Variants in AKAIN1 observed in about 807,000 individuals in gnomAD.
AKAIN1 encodes A-kinase anchor inhibitor 1.
Under a neutral mutation model 3.7 loss-of-function variants are expected in AKAIN1, and 3 were observed. The ratio of observed to expected loss-of-function variants is 0.82; its 90% CI spans 0.37 to 2.12. AKAIN1 has a LOEUF of 2.12. Among genes scored for constraint, AKAIN1 ranks in the 30% most tolerant of loss-of-function variants. AKAIN1 has a pLI of 0.06. For missense variants in AKAIN1, 82 were observed against 82.7 expected, an observed-to-expected ratio of 0.99 and a Z score of 0.03; for synonymous variants, 31 against 30.8, an observed-to-expected ratio of 1.01 and a Z score of -0.02.
At chr18:5,197,277 G>A (rs2071354886), upstream of AKAIN1, 2 of 1,372,742 alleles carry the variant, frequency 1.5e-6, no homozygotes, top group African/African-American at 1.5e-5. The surrounding 1 kb of genome is among the most constrained non-coding windows in gnomAD (Gnocchi z 6.9). Flanking sequence ...GCGGCGGCGG[G>A]AGGAGGAGGG....
At chr18:5,153,929 A>G (rs890657531) in intron 1 of AKAIN1, among the ~76,000 whole-genome samples, 10 of 152,078 alleles carry the variant, frequency 6.6e-5, no homozygotes, top group African/African-American at 2.4e-4. Context: ...AAATCTCTGT[A>G]CCTTCTGCTT....
At chr18:5,193,275 T>C (rs952036007) in intron 1 of AKAIN1, among the ~76,000 whole-genome samples, 4 of 152,218 alleles carry the variant, frequency 2.6e-5, no homozygotes, top group Non-Finnish European at 4.4e-5. Context: ...CTTGTTATCA[T>C]ACCTTGCCTA....
upstream of AKAIN1, chr18:5,197,503 T>TAAAAAAAAAAAAAAAA: frequency 3.5e-6 from 1 of 285,076 alleles, no homozygotes; most frequent in Non-Finnish European, 4.3e-6. This position sits in a 1 kb window ranked among gnomAD's most constrained non-coding sequence, Gnocchi z 6.9. Context: ...GATAGATTTG[T>TAAAAAAAAAAAAAAAA]CAAAAAAAAA....
chr18:5,148,989 C>T (rs193199451), intron 1 of AKAIN1, among the ~76,000 whole-genome samples: 1 of 152,300 alleles, frequency 6.6e-6, no homozygotes, highest in East Asian at 1.9e-4. Flanking sequence ...AGGTAGAATA[C>T]AGTATATACT....
At position 5,150,765 on chromosome 18, in the gene AKAIN1, A is replaced by G. The variant is rs537092308; in HGVS notation, c.17-5010T>C. Among the ~76,000 whole-genome samples, 10 of 152,182 alleles carry G rather than the reference A, an allele frequency of 6.6e-5. No individual in the cohort carries two copies. The South Asian group carries it at 2.1e-3, about 32-fold the overall frequency. ...CTCTCCAGTGGAAGGTGTCTAAGGA[A>G]CTCAATTGCAATATGGTTAATAATT... is the stretch of plus-strand genomic sequence containing the variant. On this transcript the variant is annotated intron_variant, in intron 1 of 1. Transcript: ENST00000434239.
At chr18:5,188,353 C>G (rs905644072) in intron 1 of AKAIN1, among the ~76,000 whole-genome samples, 1 of 152,006 alleles carries the variant, frequency 6.6e-6, no homozygotes, top group Non-Finnish European at 1.5e-5. Context: ...TATGGCAGCT[C>G]CACCCATGGG....
chr18:5,186,605 T>C lies in AKAIN1; in HGVS notation c.16+10433A>G, dbSNP rs577572241. 1.1e-4 allele frequency among the ~76,000 whole-genome samples: 16 copies of C among 152,280 alleles called. No homozygotes were observed. The South Asian group carries it at 3.3e-3, about 32-fold the overall frequency. On this transcript the variant is annotated intron_variant, in intron 1 of 1. Coordinates refer to ENST00000434239, the MANE Select transcript of AKAIN1 (RefSeq NM_001145194.2). The stretch of plus-strand genomic sequence containing the variant: ...CCTCAATTTTTTCTAGAGGTATTAG[T>C]ACTCCTCTTCTAGTAATTAATATGC...
At chr18:5,173,976 GTC>G (rs1462937896) in intron 1 of AKAIN1, among the ~76,000 whole-genome samples, 4 of 152,106 alleles carry the variant, frequency 2.6e-5, no homozygotes, top group Admixed American at 2.0e-4. Flanking sequence ...GACAACAAAA[GTC>G]TAAGGAAGAT....
At position 5,197,032 on chromosome 18, in the gene AKAIN1, G is replaced by T; in HGVS notation, c.16+6C>A. 1 of 1,550,630 alleles carries T rather than the reference G, an allele frequency of 6.4e-7. No homozygotes were observed. Among genetic ancestry groups the T allele is most frequent in the Non-Finnish European group, 8.7e-7 (1 of 1,146,100 alleles). ...ACACTTGGTGAAAAAGCAAGGTGCGGTGTACCTGGAGCGAACACCATGATT... is the reference window on the plus strand; with the variant it reads ...ACACTTGGTGAAAAAGCAAGGTGCGTTGTACCTGGAGCGAACACCATGATT... On this transcript the variant is annotated splice_donor_region_variant and intron_variant, in intron 1 of 1. Transcript: ENST00000434239. The surrounding 1 kb of genome is among the most constrained non-coding windows in gnomAD (Gnocchi z 6.9).
chr18:5,191,827 A>G (rs1191538103), intron 1 of AKAIN1, among the ~76,000 whole-genome samples: 1 of 152,224 alleles, frequency 6.6e-6, no homozygotes, highest in East Asian at 1.9e-4. Context: ...TTGCATATAC[A>G]TAATGAGGTA....
intron 1 of AKAIN1, among the ~76,000 whole-genome samples, chr18:5,168,583 T>G (rs1192742165): frequency 6.6e-6 from 1 of 152,112 alleles, no homozygotes; most frequent in Non-Finnish European, 1.5e-5. Flanking sequence ...TTACTTTATC[T>G]TGAAGCCCAC....
At chr18:5,155,567 A>C (rs1482676618) in intron 1 of AKAIN1, among the ~76,000 whole-genome samples, 2 of 152,110 alleles carry the variant, frequency 1.3e-5, no homozygotes, top group Admixed American at 6.5e-5. Context: ...GTAGCCCTCT[A>C]TGAGAAACAA....
chr18:5,196,472 G>T (rs1216568101), intron 1 of AKAIN1, among the ~76,000 whole-genome samples: 1 of 152,264 alleles, frequency 6.6e-6, no homozygotes, highest in Non-Finnish European at 1.5e-5. Context: ...CGGCGCCGCA[G>T]TAGCTGCCTC....
At position 5,145,486 on chromosome 18, in the gene AKAIN1, C is replaced by A. The variant is rs1317765618; in HGVS notation, c.*76G>T. On this transcript the variant is annotated 3_prime_UTR_variant, in exon 2 of 2. Coordinates refer to ENST00000434239, the MANE Select transcript of AKAIN1 (RefSeq NM_001145194.2). The stretch of plus-strand genomic sequence containing the variant: ...GTGACACTTCGGTTTGCTTTACTGG[C>A]AACATTTTGGAGATGCGTCCTATAC... The A allele has an allele frequency of 5.5e-6, 7 of 1,266,820 alleles. No individual in the cohort carries two copies. Among genetic ancestry groups the A allele is most frequent in the Non-Finnish European group, 7.7e-6 (7 of 912,622 alleles). 78.5% of individuals were successfully genotyped at this position (1,266,820 alleles called of 1,614,324 possible).
intron 1 of AKAIN1, among the ~76,000 whole-genome samples, chr18:5,156,399 A>G (rs2071108433): frequency 6.6e-6 from 1 of 152,220 alleles, no homozygotes. Context: ...ATTTAACTAA[A>G]TAATCTCTCA....
intron 1 of AKAIN1, among the ~76,000 whole-genome samples, chr18:5,177,129 T>C (rs930855913): frequency 2.0e-5 from 3 of 152,242 alleles, no homozygotes; most frequent in Admixed American, 1.3e-4. Flanking sequence ...TTCTCTTTCT[T>C]ACAGATTTAT....
At chr18:5,157,288 G>T (rs925225017) in intron 1 of AKAIN1, among the ~76,000 whole-genome samples, 1 of 152,188 alleles carries the variant, frequency 6.6e-6, no homozygotes, top group Non-Finnish European at 1.5e-5. Context: ...CTGGTGTCCA[G>T]ACACAGAACC....
At chr18:5,164,678 T>C (rs1037971228) in intron 1 of AKAIN1, among the ~76,000 whole-genome samples, 4 of 152,028 alleles carry the variant, frequency 2.6e-5, no homozygotes, top group African/African-American at 9.7e-5. Context: ...ATGGTTGAAG[T>C]TGATTCAGTA....
In AKAIN1 at chr18:5,190,429, C is replaced by T. The variant is rs184735164; in HGVS notation, c.16+6609G>A. 8.3e-4 allele frequency among the ~76,000 whole-genome samples: 127 copies of T among 152,134 alleles called. 1 individual carries two copies. The highest frequency in any genetic ancestry group is 6.5e-4 in the Admixed American group (10 of 15,274). On this transcript the variant is annotated intron_variant, in intron 1 of 1. Transcript: ENST00000434239. ...GCTACTGAAATTCACTCAAGATAAA[C>T]AAAATAAACCTATATTTACTAAAAA...
Sources: allele counts gnomAD v4.1 joint callset (sites outside exome capture counted in the v4.1 genomes callset), GRCh38; gene constraint gnomAD v4.1.1; non-coding constraint Gnocchi (gnomAD v3.1); transcripts MANE v1.5; gene names NCBI Gene and HGNC (gene_info 2026-07-23, HGNC 2026-07-21).